Variants in SGCD observed in about 807,000 individuals in gnomAD.
The protein encoded by SGCD is delta-sarcoglycan.
A neutral mutation model predicts 36.6 loss-of-function variants in SGCD; 18 were observed. The observed-to-expected ratio is 0.49, with a 90% CI of 0.34 to 0.73. The LOEUF is 0.73. Among genes scored for constraint, SGCD ranks in the 30% least tolerant of loss-of-function variants. SGCD has a pLI of 0.01. For missense variants in SGCD, 387 were observed against 346.7 expected, an observed-to-expected ratio of 1.12 and a Z score of -0.92; for synonymous variants, 133 against 130.6, an observed-to-expected ratio of 1.02 and a Z score of -0.12.
At chr5:156,177,538 T>C (rs1243979364) in intron 3 of SGCD, among the ~76,000 whole-genome samples, 2 of 152,192 alleles carry the variant, frequency 1.3e-5, no homozygotes, top group East Asian at 3.9e-4. Context: ...GTCCTGTGCA[T>C]CTCGGGAGCT....
chr5:155,802,542 G>A, the SGCD span, among the ~76,000 whole-genome samples: 1 of 152,218 alleles, frequency 6.6e-6, no homozygotes, highest in African/African-American at 2.4e-5. Context: ...ATGAAAAAAT[G>A]TCTTGGAAAA....
At chr5:156,023,913 C>T (rs1759165777) in intron 1 of SGCD, among the ~76,000 whole-genome samples, 1 of 152,194 alleles carries the variant, frequency 6.6e-6, no homozygotes, top group Non-Finnish European at 1.5e-5. Context: ...TTTGACGCTT[C>T]TCAAGAGAGG....
At chr5:155,812,380 G>A in the SGCD span, among the ~76,000 whole-genome samples, 197 of 152,282 alleles carry the variant, frequency 1.3e-3, 2 homozygotes, top group South Asian at 0.011. Context: ...CACATCACGC[G>A]CTGTTGGCTC....
intron 1 of SGCD, among the ~76,000 whole-genome samples, chr5:156,012,487 G>A (rs547419823): frequency 6.6e-6 from 1 of 152,262 alleles, no homozygotes; most frequent in South Asian, 2.1e-4. Context: ...ATTCAGTGAA[G>A]TCAGTGATGA....
chr5:156,084,355 A>T (rs1761043036), intron 1 of SGCD, among the ~76,000 whole-genome samples: 1 of 152,150 alleles, frequency 6.6e-6, no homozygotes, highest in Admixed American at 6.5e-5. Flanking sequence ...CTTATGAATG[A>T]CTATAGATGG....
rs985824975 is a variant in SGCD at position 155,931,119 on chromosome 5, A to G, written c.-282+60695A>G. Among the ~76,000 whole-genome samples the G allele has an allele frequency of 2.0e-5, 3 of 152,286 alleles. No homozygotes were observed. In the South Asian group the frequency reaches 6.2e-4, roughly 32 times the overall value. ...TTCCTAAACTGAATGATCATATGGT[A>G]TTTGAACCAAGTCACAGAGAAGGTA... On this transcript the variant is annotated intron_variant, in intron 1 of 9. Coordinates refer to the SGCD transcript ENST00000517913.
intron 6 of SGCD, among the ~76,000 whole-genome samples, chr5:156,624,537 C>T (rs774929629): frequency 1.3e-5 from 2 of 152,026 alleles, no homozygotes; most frequent in African/African-American, 2.4e-5. Flanking sequence ...GCCGAGATTG[C>T]GCCACTGCAC....
the SGCD span, among the ~76,000 whole-genome samples, chr5:155,850,407 A>G: frequency 3.4e-4 from 52 of 151,874 alleles, no homozygotes; most frequent in African/African-American, 1.3e-3. Context: ...ATAGAGACAG[A>G]GAGACAGAGA....
At chr5:156,600,068 A>G (rs1761129089) in intron 6 of SGCD, among the ~76,000 whole-genome samples, 1 of 152,188 alleles carries the variant, frequency 6.6e-6, no homozygotes, top group Non-Finnish European at 1.5e-5. Context: ...CAAACATACA[A>G]TTTGATTTTT....
intron 1 of SGCD, among the ~76,000 whole-genome samples, chr5:155,883,531 G>A (rs1048109094): frequency 1.3e-5 from 2 of 152,048 alleles, no homozygotes; most frequent in Non-Finnish European, 2.9e-5. Flanking sequence ...AGAGAGAGAT[G>A]GAAGAATGGC....
intron 4 of SGCD, among the ~76,000 whole-genome samples, chr5:156,552,052 C>T (rs1173989739): frequency 6.6e-6 from 1 of 152,150 alleles, no homozygotes; most frequent in African/African-American, 2.4e-5. Context: ...TTATGTACTG[C>T]CCAGGCCTTT....
chr5:155,858,606 G>A, the SGCD span, among the ~76,000 whole-genome samples: 2 of 152,088 alleles, frequency 1.3e-5, no homozygotes, highest in East Asian at 3.9e-4. Flanking sequence ...AAAATACATT[G>A]TTTAATGTAA....
intron 7 of SGCD, among the ~76,000 whole-genome samples, chr5:156,672,345 G>A (rs1198408958): frequency 6.6e-6 from 1 of 152,126 alleles, no homozygotes; most frequent in Non-Finnish European, 1.5e-5. Flanking sequence ...AAACAGTAAG[G>A]GTGGTCTGGT....
chr5:155,811,027 C>T, the SGCD span, among the ~76,000 whole-genome samples: 4 of 150,206 alleles, frequency 2.7e-5, no homozygotes, highest in Non-Finnish European at 5.9e-5. Context: ...CCGTTTTAGC[C>T]GGGATGGTCT....
At chr5:156,583,657 G>A (rs1468822570) in intron 4 of SGCD, among the ~76,000 whole-genome samples, 1 of 152,158 alleles carries the variant, frequency 6.6e-6, no homozygotes, top group Non-Finnish European at 1.5e-5. Flanking sequence ...CGTTAAAATG[G>A]AGTATGAAGG....
chr5:156,555,925 T>A (rs1397945779), intron 4 of SGCD, among the ~76,000 whole-genome samples: 1 of 152,096 alleles, frequency 6.6e-6, no homozygotes, highest in African/African-American at 2.4e-5. Context: ...TTCTAAGTAT[T>A]TTTTGGTGCT....
chr5:156,725,518 G>T (rs950000302), intron 7 of SGCD, among the ~76,000 whole-genome samples: 1 of 152,126 alleles, frequency 6.6e-6, no homozygotes, highest in Admixed American at 6.5e-5. Context: ...GGGTCTGATG[G>T]GTTCCATAAA....
intron 1 of SGCD, among the ~76,000 whole-genome samples, chr5:156,082,962 G>A (rs1411366186): frequency 6.6e-6 from 1 of 151,856 alleles, no homozygotes; most frequent in African/African-American, 2.4e-5. Flanking sequence ...TAGCCATCCT[G>A]AAAGGTATGT....
intron 4 of SGCD, among the ~76,000 whole-genome samples, chr5:156,569,587 A>G (rs1279720148): frequency 6.9e-6 from 1 of 145,870 alleles, no homozygotes; most frequent in Non-Finnish European, 1.5e-5. Flanking sequence ...GTGCATATTG[A>G]TTTTTTGAGA....
Sources: allele counts gnomAD v4.1 joint callset (sites outside exome capture counted in the v4.1 genomes callset), GRCh38; gene constraint gnomAD v4.1.1; transcripts MANE v1.5; gene names NCBI Gene and HGNC (gene_info 2026-07-23, HGNC 2026-07-21).